Variants in TMEM265 observed in about 807,000 individuals in gnomAD.
TMEM265 encodes the protein transmembrane protein 265.
Under a neutral mutation model 9.5 loss-of-function variants are expected in TMEM265, and 8 were observed. That is an observed-to-expected ratio of 0.84 (90% CI 0.49 to 1.52). The LOEUF (loss-of-function observed/expected upper bound fraction) is 1.52, where lower values mean the gene tolerates loss of function less well. Among genes scored for constraint, TMEM265 ranks in the 40% most tolerant of loss-of-function variants. The pLI is 0.00. For missense variants in TMEM265, 152 were observed against 146.2 expected (o/e 1.04, Z -0.21); for synonymous variants, 53 against 56.9 (o/e 0.93, Z 0.31).
rs1482117097 is a variant in TMEM265, at chr16:30,741,843, GC to G, written c.101del (p.Ala34GlufsTer97). The G allele has an allele frequency of 6.5e-7, 1 of 1,533,866 alleles. No homozygotes were observed. The highest frequency in any genetic ancestry group is 2.4e-5 in the East Asian group (1 of 40,926). On this transcript the variant is annotated frameshift_variant, in exon 2 of 3. Coordinates refer to ENST00000615541, the MANE Select transcript of TMEM265 (RefSeq NM_001256829.2). LOFTEE classifies it high-confidence loss of function. ...CTGCTGGCTCCGCCTCCGCTGCTTG[GC>G]AGCTACTAGCATTATCTGTGGCTGC... Reference protein sequence around the residue: ...RCCWLRLRCLAATSIICGCSC... With the variant: ...RCCWLRLRCLXATSIICGCSC...
At chr16:30,743,274 T>A (rs1431565562) in intron 2 of TMEM265, among the ~76,000 whole-genome samples, 1 of 151,876 alleles carries the variant, frequency 6.6e-6, no homozygotes, top group Non-Finnish European at 1.5e-5. Flanking sequence ...TTATCCCATC[T>A]ATTTGGGAGG....
chr16:30,741,620 A>G lies in TMEM265; in HGVS notation c.-3-121A>G, dbSNP rs1434919336. 9.1e-6 allele frequency: 10 copies of G among 1,103,170 alleles called. 1 individual carries two copies. In the South Asian group the frequency reaches 1.5e-4, roughly 17 times the overall value. 68.3% of individuals were successfully genotyped at this position (1,103,170 alleles called of 1,614,324 possible). A position where few individuals can be genotyped will look rare whatever the true frequency, so the allele number is the denominator to read the frequency against. On this transcript the variant is annotated intron_variant, in intron 1 of 2. Transcript: ENST00000615541. Reference sequence around the variant, plus strand: ...CACTAGAGGAATTCCCCAGTAAGGCAACATTCCTGAGTGCCAGGCTAGGCC... The same window carrying G: ...CACTAGAGGAATTCCCCAGTAAGGCGACATTCCTGAGTGCCAGGCTAGGCC...
intron 1 of TMEM265, 61 bp from the exon 2 acceptor site, chr16:30,741,680 G>C: frequency 6.8e-7 from 1 of 1,478,114 alleles, no homozygotes; most frequent in Non-Finnish European, 9.0e-7. Context: ...GGTGGAGTCT[G>C]AGCAAGCAAG....
At chr16:30,741,426 A>G (rs766488562) in intron 1 of TMEM265, 2 of 256,690 alleles carry the variant, frequency 7.8e-6, no homozygotes, top group Non-Finnish European at 1.5e-5. Flanking sequence ...AAGAGTTTGT[A>G]TTTTTCCTCC....
chr16:30,743,826 C>T lies in TMEM265; in HGVS notation c.210C>T (p.Arg70=). The change falls in exon 3 of 3, where the codon CGC becomes CGT. Residue 70 remains arginine (R), a synonymous_variant. Coordinates refer to ENST00000615541, the MANE Select transcript of TMEM265 (RefSeq NM_001256829.2). ...CAGGCCGGTCCGAGGAGGCAGTGCGCTGGGGGGCCCGGGCCCGGAAACTCA... is the reference window on the plus strand; with the variant it reads ...CAGGCCGGTCCGAGGAGGCAGTGCGTTGGGGGGCCCGGGCCCGGAAACTCA... The part of the protein sequence containing the change: ...HKAGRSEEAV[R]WGARARKLIL... 6.5e-7 allele frequency: 1 copy of T among 1,533,632 alleles called. No homozygotes were observed. The highest frequency in any genetic ancestry group is 8.7e-7 in the Non-Finnish European group (1 of 1,146,624).
chr16:30,741,653 C>A (rs368944422), intron 1 of TMEM265, 88 bp from the exon 2 acceptor site: 3 of 1,384,294 alleles, frequency 2.2e-6, no homozygotes, highest in African/African-American at 2.9e-5. Context: ...GCCATGAGAA[C>A]AGAATGCTCT....
chr16:30,743,930 C>A lies in TMEM265; in HGVS notation c.314C>A (p.Ala105Asp). Residue 105 changes from alanine (A) to aspartate (D), a missense_variant, in exon 3 of 3, where the codon GCT becomes GAT. Ala to Asp is a moderately radical substitution (Grantham distance 126, BLOSUM62 -2). Coordinates refer to ENST00000615541, the MANE Select transcript of TMEM265 (RefSeq NM_001256829.2). ...LLLWLLSYAI[A>D]QAE is the part of the protein sequence containing the mutation. ...CTGTGGTTGCTCTCCTACGCCATCG[C>A]TCAGGCTGAGTGACCCTGGATGGCC... The A allele has an allele frequency of 6.5e-7, 1 of 1,533,678 alleles. No individual in the cohort carries two copies. Among genetic ancestry groups the A allele is most frequent in the Non-Finnish European group, 8.7e-7 (1 of 1,146,552 alleles).
intron 2 of TMEM265, 30 bp from the exon 3 acceptor site, chr16:30,743,752 G>T (rs1209054408): frequency 1.3e-6 from 2 of 1,499,150 alleles, no homozygotes; most frequent in South Asian, 1.3e-5. Flanking sequence ...GAAGCAGGGG[G>T]AGAACCTAAC....
At chr16:30,743,240 G>A (rs2053235962) in intron 2 of TMEM265, among the ~76,000 whole-genome samples, 1 of 152,122 alleles carries the variant, frequency 6.6e-6, no homozygotes, top group African/African-American at 2.4e-5. Flanking sequence ...TACAAAATTA[G>A]CTGGGCGTGG....
rs2053227991 is a variant in TMEM265 at position 30,741,809 on chromosome 16, C to T, written c.66C>T (p.Pro22=). ...GNTEAAHPPS[P]IRCCWLRLRC... is the part of the protein sequence containing the mutation. ...CGGAAGCTGCTCATCCTCCATCCCC[C>T]ATCCGCTGCTGCTGGCTCCGCCTCC... The change falls in exon 2 of 3, where the codon CCC becomes CCT. Residue 22 remains proline (P), a synonymous_variant. Transcript: ENST00000615541. 6 of 1,533,854 alleles carry T rather than the reference C, an allele frequency of 3.9e-6. No individual in the cohort carries two copies. The highest frequency in any genetic ancestry group is 2.0e-5 in the Admixed American group (1 of 50,976).
intron 2 of TMEM265, among the ~76,000 whole-genome samples, 188 bp from the exon 3 acceptor site, chr16:30,743,594 A>G (rs1228733339): frequency 6.6e-6 from 1 of 152,192 alleles, no homozygotes; most frequent in Non-Finnish European, 1.5e-5. Flanking sequence ...CACCCTGAGA[A>G]GTAGGCAGGG....
At chr16:30,741,083 A>T (rs548562535) in intron 1 of TMEM265, 1 of 152,384 alleles carries the variant, frequency 6.6e-6, no homozygotes, top group South Asian at 2.1e-4. Context: ...TCAGTGTACT[A>T]GTCTGATTGT....
Position 30,743,806 on chromosome 16 carries a change from C to A in TMEM265, c.190C>A (p.Arg64=). The A allele has an allele frequency of 6.5e-7, 1 of 1,532,744 alleles. No individual in the cohort carries two copies. The allele number at this position is 1,532,744 out of a possible 1,614,324, so 94.9% of individuals were successfully genotyped here. The change falls in exon 3 of 3, where the codon CGG becomes AGG. Residue 64 remains arginine, a synonymous_variant. Transcript: ENST00000615541. ...IKAEERHKAG[R]SEEAVRWGAR... is the part of the protein sequence containing the mutation. Reference sequence around the variant, plus strand: ...GGCGGAAGAGCGGCATAAAGCAGGCCGGTCCGAGGAGGCAGTGCGCTGGGG... The same window carrying A: ...GGCGGAAGAGCGGCATAAAGCAGGCAGGTCCGAGGAGGCAGTGCGCTGGGG...
chr16:30,743,418 T>C (rs1217025814), intron 2 of TMEM265, among the ~76,000 whole-genome samples: 1 of 152,028 alleles, frequency 6.6e-6, no homozygotes, highest in African/African-American at 2.4e-5. Flanking sequence ...ATGAGGCCCA[T>C]TGGGCTATGA....
intron 2 of TMEM265, among the ~76,000 whole-genome samples, chr16:30,742,924 CAAAAAA>C (rs11300181): frequency 0.017 from 1,942 of 114,710 alleles, 53 homozygotes; most frequent in African/African-American, 0.057. Flanking sequence ...GACTCTGTCT[CAAAAAA>C]AAAAAAAAAC....
rs1209338669 is a variant in TMEM265, at chr16:30,743,780, A to G, written c.166-2A>G. 1 of 1,521,972 alleles carries G rather than the reference A, an allele frequency of 6.6e-7. No homozygotes were observed. Among genetic ancestry groups the G allele is most frequent in the South Asian group, 1.2e-5 (1 of 82,998 alleles). 94.3% of individuals were successfully genotyped at this position (1,521,972 alleles called of 1,614,324 possible). A position where few individuals can be genotyped will look rare whatever the true frequency, so the allele number is the denominator to read the frequency against. On this transcript the variant is annotated splice_acceptor_variant, in intron 2 of 2. Transcript: ENST00000615541. LOFTEE classifies it high-confidence loss of function. ...AACCTAACCAAGAACCTGCCCCCAC[A>G]GGCGGAAGAGCGGCATAAAGCAGGC... is the stretch of plus-strand genomic sequence containing the variant.
At chr16:30,742,647 G>A (rs547956490) in intron 2 of TMEM265, among the ~76,000 whole-genome samples, 2 of 151,970 alleles carry the variant, frequency 1.3e-5, no homozygotes, top group Admixed American at 1.3e-4. Context: ...GCACATGTCC[G>A]CCGGGCGTGG....
At position 30,741,815 on chromosome 16, in the gene TMEM265, C is replaced by T; in HGVS notation, c.72C>T (p.Arg24=). Residue 24 remains arginine, a synonymous_variant, in exon 2 of 3, where the codon CGC becomes CGT. Transcript: ENST00000615541. Reference sequence around the variant, plus strand: ...CTGCTCATCCTCCATCCCCCATCCGCTGCTGCTGGCTCCGCCTCCGCTGCT... The same window carrying T: ...CTGCTCATCCTCCATCCCCCATCCGTTGCTGCTGGCTCCGCCTCCGCTGCT... The part of the protein sequence containing the change: ...TEAAHPPSPI[R]CCWLRLRCLA... 6.5e-7 allele frequency: 1 copy of T among 1,534,008 alleles called. No homozygotes were observed. Among genetic ancestry groups the T allele is most frequent in the Non-Finnish European group, 8.7e-7 (1 of 1,146,746 alleles).
chr16:30,743,718 T>G, intron 2 of TMEM265, 64 bp from the exon 3 acceptor site: 7 of 1,432,088 alleles, frequency 4.9e-6, no homozygotes, highest in Admixed American at 2.4e-5. Context: ...GGGAGCGGAG[T>G]GGGGAAATGG....
Sources: allele counts gnomAD v4.1 joint callset (sites outside exome capture counted in the v4.1 genomes callset), GRCh38; gene constraint gnomAD v4.1.1; transcripts MANE v1.5; gene names NCBI Gene and HGNC (gene_info 2026-07-23, HGNC 2026-07-21).